DOP1B: variants seen among roughly 807,000 people sequenced by gnomAD.
DOP1B encodes protein DOP1B.
In DOP1B, 174 loss-of-function variants were observed where a neutral mutation model predicts 233.5. The ratio of observed to expected loss-of-function variants is 0.75; its 90% CI spans 0.66 to 0.85. The LOEUF (loss-of-function observed/expected upper bound fraction) is 0.85. DOP1B is among the 40% of genes least tolerant of loss of function. The probability of loss-of-function intolerance (pLI) is 0.00; values close to 1 mark genes in which losing one functional copy is unlikely to be tolerated. For missense variants in DOP1B, 2,652 were observed against 2,846.6 expected, an observed-to-expected ratio of 0.93 and a Z score of 1.56; for synonymous variants, 1,190 against 1,185.6, an observed-to-expected ratio of 1.00 and a Z score of -0.08.
rs1269188164 is a variant in DOP1B at position 36,280,295 on chromosome 21, A to G, written c.5980A>G (p.Ile1994Val). The G allele has an allele frequency of 1.7e-5, 28 of 1,608,104 alleles. No individual in the cohort carries two copies. Among genetic ancestry groups the G allele is most frequent in the Middle Eastern group, 3.3e-4 (2 of 6,052 alleles). The change falls in exon 31 of 37, where the codon ATT (isoleucine) becomes GTT (valine). Residue 1994 changes from isoleucine (I) to valine (V), a missense_variant. Coordinates refer to ENST00000691173, the MANE Select transcript of DOP1B (RefSeq NM_001320714.2). The stretch of plus-strand genomic sequence containing the variant: ...TTCTTTAATATCCAGTTGGAAGTCC[A>G]TTATTGACCATCTTTTGACTCATGA... The part of the protein sequence containing the change: ...MDTSCVHWKS[I>V]IDHLLTHEKT...
At chr21:36,284,756 T>G (rs969038275) in intron 32 of DOP1B, among the ~76,000 whole-genome samples, 4 of 151,830 alleles carry the variant, frequency 2.6e-5, no homozygotes, top group Non-Finnish European at 5.9e-5. Flanking sequence ...TCTGAGAAAT[T>G]ATTTCTCTGA....
chr21:36,164,275 A>G (rs927286326), intron 1 of DOP1B, among the ~76,000 whole-genome samples: 1 of 152,202 alleles, frequency 6.6e-6, no homozygotes, highest in African/African-American at 2.4e-5. Context: ...GTGACCCGTG[A>G]TCGTGCCACT....
At chr21:36,164,368 T>C (rs7281446) in intron 1 of DOP1B, among the ~76,000 whole-genome samples, 119,928 of 152,086 alleles carry the variant, frequency 0.79, 47,819 homozygotes, top group Non-Finnish European at 0.86. Flanking sequence ...TGGGAGGGGC[T>C]GTGCTCATTT....
intron 11 of DOP1B, among the ~76,000 whole-genome samples, chr21:36,223,690 G>A (rs753834646): frequency 6.6e-6 from 1 of 152,294 alleles, no homozygotes; most frequent in Non-Finnish European, 1.5e-5. Context: ...GCTTAGTTTT[G>A]TGGCTTTGTG....
chr21:36,230,704 GA>G lies in DOP1B; in HGVS notation c.1922del (p.Asn641ThrfsTer7). Reference protein sequence around the residue: ...QELIANFASKNIFGVQLTASG... With the variant: ...QELIANFASKXIFGVQLTASG... ...AGCTAATCGCCAACTTTGCCAGCAA[GA>G]ACATTTTTGGAGTACAGCTGACAGC... is the stretch of plus-strand genomic sequence containing the variant. On this transcript the variant is annotated frameshift_variant, in exon 14 of 37. Transcript: ENST00000691173. LOFTEE classifies it high-confidence loss of function. 2 of 1,614,198 alleles carry G rather than the reference GA, an allele frequency of 1.2e-6. No homozygotes were observed. Among genetic ancestry groups the G allele is most frequent in the Non-Finnish European group, 1.7e-6 (2 of 1,180,036 alleles).
intron 13 of DOP1B, among the ~76,000 whole-genome samples, chr21:36,229,661 C>G (rs1044136807): frequency 3.9e-5 from 5 of 127,714 alleles, no homozygotes; most frequent in Non-Finnish European, 8.1e-5. Context: ...CTTGCTTTAC[C>G]TTTTTTTTTT....
chr21:36,220,472 T>G (rs2066611745), intron 10 of DOP1B, among the ~76,000 whole-genome samples: 1 of 152,116 alleles, frequency 6.6e-6, no homozygotes, highest in Admixed American at 6.6e-5. Context: ...TTACACCAGT[T>G]ATTTAGTTGC....
rs2067582038 is a variant in DOP1B, at chr21:36,293,473, A to G, written c.6799A>G (p.Thr2267Ala). 6.2e-7 allele frequency: 1 copy of G among 1,613,876 alleles called. No individual in the cohort carries two copies. Among genetic ancestry groups the G allele is most frequent in the African/African-American group, 1.3e-5 (1 of 74,852 alleles). The change falls in exon 37 of 37, where the codon ACT (threonine) becomes GCT (alanine). Residue 2267 changes from threonine to alanine, a missense_variant. Physicochemically the swap from Thr to Ala is moderately conservative, Grantham distance 58 (BLOSUM62 0). This residue lies in a region of DOP1B where 4 missense variants were observed against 18.1 expected (regional missense o/e 0.22). Transcript: ENST00000691173. ...ACAGCTGCCTGCTGATAGCCCAGGA[A>G]CTCCATTCTTGGACTTTCCTGTCAC... ...QRQLPADSPG[T>A]PFLDFPVTDS...
intron 32 of DOP1B, among the ~76,000 whole-genome samples, chr21:36,287,328 T>G (rs2067496949): frequency 6.6e-6 from 1 of 152,152 alleles, no homozygotes; most frequent in Non-Finnish European, 1.5e-5. Context: ...TATGATTGTG[T>G]AAGTCCATTC....
At chr21:36,241,832 C>A (rs867986821) in intron 18 of DOP1B, among the ~76,000 whole-genome samples, 1 of 151,336 alleles carries the variant, frequency 6.6e-6, no homozygotes, top group African/African-American at 2.4e-5. Context: ...TGAGCCACCA[C>A]GCCTGGCTAT....
At position 36,227,232 on chromosome 21, in the gene DOP1B, A is replaced by T. The variant is rs189224159; in HGVS notation, c.1474-454A>T. On this transcript the variant is annotated intron_variant, in intron 12 of 36. Transcript: ENST00000691173. ...CAAAAAAATAAATAAATAAATAAATAAAATAAAATAAAATAAAAAAGAAAA... is the reference window on the plus strand; with the variant it reads ...CAAAAAAATAAATAAATAAATAAATTAAATAAAATAAAATAAAAAAGAAAA... Among the ~76,000 whole-genome samples, 354 of 148,842 alleles carry T rather than the reference A, an allele frequency of 2.4e-3. 1 individual carries two copies. Among genetic ancestry groups the T allele is most frequent in the Middle Eastern group, 0.014 (4 of 286 alleles).
chr21:36,221,973 G>A (rs2066629007), intron 10 of DOP1B, among the ~76,000 whole-genome samples: 1 of 152,156 alleles, frequency 6.6e-6, no homozygotes. Flanking sequence ...CTGGGCTAAA[G>A]CAATTTTCGT....
At chr21:36,252,175 T>TA (rs77251657) in intron 22 of DOP1B, among the ~76,000 whole-genome samples, 12,447 of 147,138 alleles carry the variant, frequency 0.085, 731 homozygotes, top group East Asian at 0.33. Flanking sequence ...AGTCCCTATC[T>TA]AAAAAAAAAA....
rs1243264890 is a variant in DOP1B, at chr21:36,259,156, AGG to A, written c.5260-1519_5260-1518del. Among the ~76,000 whole-genome samples, 3 of 151,818 alleles carry A rather than the reference AGG, an allele frequency of 2.0e-5. No individual in the cohort carries two copies. The East Asian group carries it at 5.8e-4, about 29-fold the overall frequency. The stretch of plus-strand genomic sequence containing the variant: ...AATTTTTTGTATTTTTAGTAGAGAC[AGG>A]GTTTCACCGTGTTAGCTAGGATGGT... On this transcript the variant is annotated intron_variant, in intron 23 of 36. Transcript: ENST00000691173.
At chr21:36,211,398 C>T (rs780050854) in intron 5 of DOP1B, among the ~76,000 whole-genome samples, 155 bp from the exon 6 acceptor site, 10 of 152,136 alleles carry the variant, frequency 6.6e-5, no homozygotes, top group Non-Finnish European at 1.3e-4. Flanking sequence ...CCTGTGGCCT[C>T]GAGAGCTAGA....
intron 3 of DOP1B, 21 bp from the exon 4 acceptor site, chr21:36,200,310 C>T (rs377023049): frequency 6.4e-7 from 1 of 1,560,502 alleles, no homozygotes; most frequent in East Asian, 2.3e-5. Context: ...CTGCCCCGCT[C>T]CCTCTCGTTC....
In DOP1B at chr21:36,242,416, C is replaced by T. The variant is rs536631511; in HGVS notation, c.3067+2461C>T. Among the ~76,000 whole-genome samples, 6 of 152,180 alleles carry T rather than the reference C, an allele frequency of 3.9e-5. No homozygotes were observed. In the South Asian group the frequency reaches 1.2e-3, roughly 32 times the overall value. On this transcript the variant is annotated intron_variant, in intron 18 of 36. Coordinates refer to ENST00000691173, the MANE Select transcript of DOP1B (RefSeq NM_001320714.2). ...TCTCTAACTCCTGACCTCAAGTGAT[C>T]CATGCGCCTCTACCTCCCAAAGCGC...
rs1186410820 is a variant in DOP1B, at chr21:36,293,448, A to G, written c.6774A>G (p.Arg2258=). The change falls in exon 37 of 37, where the codon AGA becomes AGG. Residue 2258 remains arginine (R), a synonymous_variant. Transcript: ENST00000691173. ...MTLNGAFKTQ[R]QLPADSPGTP... ...TAAATGGTGCATTTAAGACCCAGAG[A>G]CAGCTGCCTGCTGATAGCCCAGGAA... The G allele has an allele frequency of 6.2e-7, 1 of 1,614,170 alleles. No individual in the cohort carries two copies. The highest frequency in any genetic ancestry group is 1.1e-5 in the South Asian group (1 of 91,084).
At chr21:36,241,023 G>A (rs1259619323) in intron 18 of DOP1B, among the ~76,000 whole-genome samples, 5 of 152,256 alleles carry the variant, frequency 3.3e-5, no homozygotes, top group East Asian at 1.9e-4. Context: ...AGGGCTGGAC[G>A]GTGGCTCACC....
Sources: allele counts gnomAD v4.1 joint callset (sites outside exome capture counted in the v4.1 genomes callset), GRCh38; gene constraint gnomAD v4.1.1; regional missense constraint gnomAD v4.1.1; transcripts MANE v1.5; gene names NCBI Gene and HGNC (gene_info 2026-07-23, HGNC 2026-07-21).